Variants in PLPPR1 observed in about 807,000 individuals in gnomAD.
The protein encoded by PLPPR1 is phospholipid phosphatase-related protein type 1.
In PLPPR1, 10 loss-of-function variants were observed where a neutral mutation model predicts 33.1. The ratio of observed to expected loss-of-function variants is 0.30; its 90% CI spans 0.19 to 0.51. The LOEUF (loss-of-function observed/expected upper bound fraction) is 0.51, where lower values mean the gene tolerates loss of function less well. Among genes scored for constraint, PLPPR1 ranks in the 20% least tolerant of loss-of-function variants. The pLI, the probability that PLPPR1 is intolerant of heterozygous loss-of-function variation, is 0.97. For missense variants in PLPPR1, 304 were observed against 408.1 expected (o/e 0.74, Z 2.20); for synonymous variants, 151 against 151.0 (o/e 1.00, Z 0.00).
At chr9:101,281,798 G>T (rs1828309369) in intron 3 of PLPPR1, among the ~76,000 whole-genome samples, 1 of 152,068 alleles carries the variant, frequency 6.6e-6, no homozygotes, top group South Asian at 2.1e-4. Flanking sequence ...AGACTATTAT[G>T]AACAATGATA....
intron 1 of PLPPR1, among the ~76,000 whole-genome samples, chr9:101,062,719 A>T (rs1020666232): frequency 5.3e-5 from 8 of 152,104 alleles, no homozygotes; most frequent in Non-Finnish European, 1.0e-4. Context: ...TTCCCAGAAG[A>T]GACTCTCAAA....
At chr9:101,234,862 G>A (rs983637825) in intron 2 of PLPPR1, among the ~76,000 whole-genome samples, 6 of 151,908 alleles carry the variant, frequency 3.9e-5, no homozygotes, top group African/African-American at 4.8e-5. Context: ...TTATTGATGT[G>A]TATCTGTGTT....
intron 2 of PLPPR1, among the ~76,000 whole-genome samples, chr9:101,218,714 G>A (rs1010176092): frequency 4.6e-5 from 7 of 152,158 alleles, no homozygotes; most frequent in Non-Finnish European, 1.0e-4. Flanking sequence ...TATTTGTGCA[G>A]TTAAAGAAAC....
chr9:101,165,825 T>C (rs1825847510), intron 1 of PLPPR1, among the ~76,000 whole-genome samples: 2 of 152,208 alleles, frequency 1.3e-5, no homozygotes, highest in Admixed American at 1.3e-4. Context: ...CCCATGACTC[T>C]CACTTTAATC....
intron 1 of PLPPR1, among the ~76,000 whole-genome samples, chr9:101,140,261 G>T (rs984966173): frequency 6.6e-6 from 1 of 152,136 alleles, no homozygotes; most frequent in Non-Finnish European, 1.5e-5. Context: ...AGGTGAATAA[G>T]TAGAGAAAGT....
chr9:101,309,163 A>T, intron 4 of PLPPR1, 48 bp from the exon 5 acceptor site: 2 of 1,601,662 alleles, frequency 1.2e-6, no homozygotes, highest in Non-Finnish European at 1.7e-6. Flanking sequence ...GAAAAATGCA[A>T]TTGACAGAGT....
At chr9:101,297,036 T>G (rs1828659232) in intron 4 of PLPPR1, among the ~76,000 whole-genome samples, 1 of 152,208 alleles carries the variant, frequency 6.6e-6, no homozygotes, top group African/African-American at 2.4e-5. Flanking sequence ...TATATGTGTA[T>G]TTGTGTGTTA....
Position 101,241,530 on chromosome 9 carries a change from G to C in PLPPR1, c.64-28350G>C, listed in dbSNP as rs1215334639. On this transcript the variant is annotated intron_variant, in intron 2 of 7. Coordinates refer to ENST00000374874, the MANE Select transcript of PLPPR1 (RefSeq NM_207299.2). ...GCCACATGCAGCCTATGGGCTGCTG[G>C]CTGGACAAGCTTGAGATAGACCTTC... Among the ~76,000 whole-genome samples, 5 of 152,230 alleles carry C rather than the reference G, an allele frequency of 3.3e-5. No individual in the cohort carries two copies. The East Asian group carries it at 9.7e-4, about 30-fold the overall frequency.
At chr9:101,102,966 G>A (rs1179525592) in intron 1 of PLPPR1, among the ~76,000 whole-genome samples, 1 of 32,110 alleles carries the variant, frequency 3.1e-5, no homozygotes, top group African/African-American at 1.3e-4. Context: ...GTCTGTTCAT[G>A]TCCTTCGCCC....
intron 3 of PLPPR1, among the ~76,000 whole-genome samples, chr9:101,279,894 C>A (rs1193089488): frequency 6.6e-6 from 1 of 151,938 alleles, no homozygotes; most frequent in African/African-American, 2.4e-5. Flanking sequence ...AATGATGCAT[C>A]TGAAAGAACT....
intron 1 of PLPPR1, among the ~76,000 whole-genome samples, chr9:101,156,675 A>T (rs981151154): frequency 1.2e-5 from 1 of 84,486 alleles, no homozygotes; most frequent in Non-Finnish European, 2.7e-5. Context: ...TAGAAAAAAT[A>T]TGAGACATAA....
At chr9:101,300,465 TTTAAG>T (rs1461286547) in intron 4 of PLPPR1, among the ~76,000 whole-genome samples, 2 of 152,126 alleles carry the variant, frequency 1.3e-5, no homozygotes, top group East Asian at 1.9e-4. Context: ...GCAGAAACTA[TTTAAG>T]TTATTACATT....
chr9:101,261,064 T>A (rs1480293429), intron 2 of PLPPR1, among the ~76,000 whole-genome samples: 1 of 152,140 alleles, frequency 6.6e-6, no homozygotes, highest in Non-Finnish European at 1.5e-5. Context: ...GTACTAAGCT[T>A]TTTATATACA....
chr9:101,319,685 T>A (rs1455938105), intron 7 of PLPPR1, among the ~76,000 whole-genome samples: 1 of 152,234 alleles, frequency 6.6e-6, no homozygotes, highest in African/African-American at 2.4e-5. Flanking sequence ...ATTAGCTAAA[T>A]AGCGATACCC....
intron 1 of PLPPR1, among the ~76,000 whole-genome samples, chr9:101,108,408 G>C (rs986229116): frequency 6.6e-6 from 1 of 152,172 alleles, no homozygotes; most frequent in East Asian, 1.9e-4. Flanking sequence ...ATAGATGTTT[G>C]TTGAATGAAA....
rs1826091364 is a variant in PLPPR1, at chr9:101,180,498, A to G, written c.-45-4952A>G. ...TACCTAACTTAAAAATCTATAAGCT[A>G]TAATGAACGAAAACAACATGGTCCT... is the stretch of plus-strand genomic sequence containing the variant. On this transcript the variant is annotated intron_variant, in intron 1 of 7. Coordinates refer to ENST00000374874, the MANE Select transcript of PLPPR1 (RefSeq NM_207299.2). 2.6e-5 allele frequency among the ~76,000 whole-genome samples: 4 copies of G among 151,896 alleles called. No individual in the cohort carries two copies. The South Asian group carries it at 8.3e-4, about 32-fold the overall frequency.
intron 2 of PLPPR1, among the ~76,000 whole-genome samples, chr9:101,268,917 G>A (rs1828046398): frequency 6.6e-6 from 1 of 152,142 alleles, no homozygotes; most frequent in Non-Finnish European, 1.5e-5. Context: ...TCAGGCAGTG[G>A]TCAGTTCCAC....
intron 4 of PLPPR1, among the ~76,000 whole-genome samples, chr9:101,301,459 G>T (rs910013485): frequency 6.6e-6 from 1 of 152,088 alleles, no homozygotes; most frequent in Non-Finnish European, 1.5e-5. Context: ...GTGATACAAG[G>T]CATACTTATA....
chr9:101,030,642 G>A (rs1407505290), intron 1 of PLPPR1, among the ~76,000 whole-genome samples: 1 of 151,922 alleles, frequency 6.6e-6, no homozygotes, highest in Non-Finnish European at 1.5e-5. Context: ...TTTAGGAAAA[G>A]TGTATGGGGA....
Sources: gnomAD v4.1 joint callset for allele counts (sites outside exome capture counted in the v4.1 genomes callset) on GRCh38, gnomAD v4.1.1 for gene constraint, MANE v1.5 for transcripts, NCBI Gene and HGNC (gene_info 2026-07-23, HGNC 2026-07-21) for gene names.